ALOX12: variants seen among roughly 807,000 people sequenced by gnomAD.
ALOX12 encodes arachidonate 12-lipoxygenase, 12S type.
A neutral mutation model predicts 85.5 loss-of-function variants in ALOX12; 62 were observed. The ratio of observed to expected loss-of-function variants is 0.73; its 90% CI spans 0.59 to 0.90. ALOX12 has a LOEUF of 0.90. ALOX12 is among the 40% of genes least tolerant of loss of function. The probability of loss-of-function intolerance (pLI) is 0.00; values close to 1 mark genes in which losing one functional copy is unlikely to be tolerated. For synonymous variants in ALOX12, 299 were observed against 332.7 expected (o/e 0.90, Z 1.10); for missense variants, 751 against 856.5 (o/e 0.88, Z 1.54).
At chr17:6,998,858 C>T (rs764073855) in intron 4 of ALOX12, 21 bp downstream of exon 4, 19 of 1,614,016 alleles carry the variant, frequency 1.2e-5, no homozygotes, top group Non-Finnish European at 1.5e-5. Context: ...GGCTAGACCT[C>T]GGAGTGAAAT....
At chr17:7,007,077 C>T (rs1016189965) in intron 11 of ALOX12, among the ~76,000 whole-genome samples, 1 of 152,200 alleles carries the variant, frequency 6.6e-6, no homozygotes, top group Admixed American at 6.5e-5. Context: ...TCCAGGAATA[C>T]CGCACGCTTG....
At chr17:7,007,556 C>T (rs1244320220) in intron 11 of ALOX12, among the ~76,000 whole-genome samples, 2 of 152,206 alleles carry the variant, frequency 1.3e-5, no homozygotes, top group African/African-American at 4.8e-5. Flanking sequence ...CTTCTCAGTA[C>T]AGTCCCTTAG....
At chr17:7,007,166 C>A (rs1909128226) in intron 11 of ALOX12, among the ~76,000 whole-genome samples, 1 of 152,192 alleles carries the variant, frequency 6.6e-6, no homozygotes. Context: ...GCACCCTGAT[C>A]CTTGGGGCTC....
At position 7,005,256 on chromosome 17, in the gene ALOX12, G is replaced by T. The variant is rs959921309; in HGVS notation, c.1162-1G>T. ...ACGCCCTCCAATCTCCTCCTCTCCAGTTCCTGATCCCCCATATCCGCTACA... is the reference window on the plus strand; with the variant it reads ...ACGCCCTCCAATCTCCTCCTCTCCATTTCCTGATCCCCCATATCCGCTACA... On this transcript the variant is annotated splice_acceptor_variant, in intron 8 of 13. Coordinates refer to ENST00000251535, the MANE Select transcript of ALOX12 (RefSeq NM_000697.3). LOFTEE classifies it high-confidence loss of function. The T allele has an allele frequency of 2.8e-5, 45 of 1,613,116 alleles. No homozygotes were observed. The highest frequency in any genetic ancestry group is 3.5e-5 in the Non-Finnish European group (41 of 1,179,286).
At chr17:6,997,197 T>C in intron 2 of ALOX12, 170 bp downstream of exon 2, 2 of 910,594 alleles carry the variant, frequency 2.2e-6, no homozygotes, top group Non-Finnish European at 2.6e-6. Context: ...AGTTATGAAT[T>C]CCCAAAGTTT....
At position 7,010,687 on chromosome 17, in the gene ALOX12, A is replaced by G. The variant is rs1015728492; in HGVS notation, c.*264A>G. The G allele has an allele frequency of 2.6e-6, 1 of 379,546 alleles. No individual in the cohort carries two copies. Among genetic ancestry groups the G allele is most frequent in the Non-Finnish European group, 4.7e-6 (1 of 212,004 alleles). 23.5% of individuals were successfully genotyped at this position (379,546 alleles called of 1,614,324 possible). The stretch of plus-strand genomic sequence containing the variant: ...CTGCAGCATGAAGGCAGCCACAGAC[A>G]ACATGGAAATGAGTGTGACTATGTT... On this transcript the variant is annotated 3_prime_UTR_variant, in exon 14 of 14. Coordinates refer to ENST00000251535, the MANE Select transcript of ALOX12 (RefSeq NM_000697.3).
chr17:7,003,717 C>G (rs1377450820), intron 8 of ALOX12, among the ~76,000 whole-genome samples: 1 of 152,212 alleles, frequency 6.6e-6, no homozygotes, highest in African/African-American at 2.4e-5. Flanking sequence ...CACATGCCGC[C>G]ACACCCAGCT....
rs748900611 is a variant in ALOX12, at chr17:6,998,597, A to G, written c.419+7A>G. On this transcript the variant is annotated splice_region_variant and intron_variant, in intron 3 of 13. Transcript: ENST00000251535. ...ACAGACAGCAGATCTACTGGTGACC[A>G]CCCACCCCTTAAACTAACCCCGCCA... is the stretch of plus-strand genomic sequence containing the variant. 2 of 1,610,910 alleles carry G rather than the reference A, an allele frequency of 1.2e-6. No individual in the cohort carries two copies. Among genetic ancestry groups the G allele is most frequent in the Non-Finnish European group, 1.7e-6 (2 of 1,177,676 alleles).
rs1309298703 is a variant in ALOX12, at chr17:7,000,085, CTGGA to C, written c.808-249_808-246del. 6.6e-6 allele frequency among the ~76,000 whole-genome samples: 1 copy of C among 152,192 alleles called. No homozygotes were observed. The highest frequency in any genetic ancestry group is 1.5e-5 in the Non-Finnish European group (1 of 68,034). On this transcript the variant is annotated intron_variant, in intron 6 of 13. Coordinates refer to ENST00000251535, the MANE Select transcript of ALOX12 (RefSeq NM_000697.3). The surrounding 1 kb of genome is among the most constrained non-coding windows in gnomAD (Gnocchi z 4.6). ...CAGTTTACAATGCCTGTGATGCCAACTGGATTGAGCAGGCCTGGTTCCAAACCCA... is the reference window on the plus strand; with the variant it reads ...CAGTTTACAATGCCTGTGATGCCAACTTGAGCAGGCCTGGTTCCAAACCCA...
chr17:7,005,212 A>C (rs756885309), intron 8 of ALOX12, 45 bp from the exon 9 acceptor site: 6 of 1,558,032 alleles, frequency 3.9e-6, no homozygotes, highest in Non-Finnish European at 5.3e-6. Flanking sequence ...GAAGGACCCA[A>C]GCATGGCCTC....
At position 6,999,301 on chromosome 17, in the gene ALOX12, C is replaced by T; in HGVS notation, c.647-5C>T. On this transcript the variant is annotated splice_region_variant and splice_polypyrimidine_tract_variant and intron_variant, in intron 5 of 13. Transcript: ENST00000251535. ...CATATATCCTCCTTTCACCGCCCAC[C>T]AAAGAGAAGGTTCGCCAGTGCTGGC... The T allele has an allele frequency of 6.2e-7, 1 of 1,614,162 alleles. No individual in the cohort carries two copies. Among genetic ancestry groups the T allele is most frequent in the Non-Finnish European group, 8.5e-7 (1 of 1,180,020 alleles).
At chr17:7,002,887 T>A (rs1480320620) in intron 8 of ALOX12, among the ~76,000 whole-genome samples, 1 of 152,100 alleles carries the variant, frequency 6.6e-6, no homozygotes. Context: ...TACATGGAGT[T>A]TGATGTATTG....
rs922240937 is a variant in ALOX12 at position 7,000,538 on chromosome 17, C to A, written c.951+59C>A. On this transcript the variant is annotated intron_variant, in intron 7 of 13. Transcript: ENST00000251535. This position sits in a 1 kb window ranked among gnomAD's most constrained non-coding sequence, Gnocchi z 4.6. ...CTCTGTTCACCTCAACCTCTGCTCC[C>A]AGGGACCCAACCCCCAGCTCTTGGC... 2 of 1,585,076 alleles carry A rather than the reference C, an allele frequency of 1.3e-6. No homozygotes were observed. Among genetic ancestry groups the A allele is most frequent in the African/African-American group, 2.7e-5 (2 of 74,300 alleles).
chr17:6,996,122 G>A lies in ALOX12; in HGVS notation c.5G>A (p.Gly2Asp). Reference sequence around the variant, plus strand: ...CCTAAGCTGCTGGGGGGCGCCATGGGCCGCTACCGCATCCGCGTGGCCACC... The same window carrying A: ...CCTAAGCTGCTGGGGGGCGCCATGGACCGCTACCGCATCCGCGTGGCCACC... Reference protein sequence around the residue: MGRYRIRVATGA... With the variant: MDRYRIRVATGA... Residue 2 changes from glycine to aspartate, a missense_variant, in exon 1 of 14, where the codon GGC (glycine) becomes GAC (aspartate). Coordinates refer to ENST00000251535, the MANE Select transcript of ALOX12 (RefSeq NM_000697.3). The A allele has an allele frequency of 8.0e-7, 1 of 1,250,184 alleles. No homozygotes were observed. The highest frequency in any genetic ancestry group is 1.0e-6 in the Non-Finnish European group (1 of 990,574). 77.4% of individuals were successfully genotyped at this position (1,250,184 alleles called of 1,614,324 possible).
rs374304110 is a variant in ALOX12 at position 7,005,356 on chromosome 17, C to T, written c.1248+13C>T. On this transcript the variant is annotated intron_variant, in intron 9 of 13. Coordinates refer to ENST00000251535, the MANE Select transcript of ALOX12 (RefSeq NM_000697.3). ...AATTTTTGATAAGGTGAGGAGGGTA[C>T]GGGGCATGGGACTGCCTCATCCATC... 60 of 1,600,268 alleles carry T rather than the reference C, an allele frequency of 3.7e-5. No individual in the cohort carries two copies. The highest frequency in any genetic ancestry group is 1.2e-4 in the African/African-American group (9 of 74,566).
chr17:6,997,792 C>A (rs1908525062), intron 2 of ALOX12, among the ~76,000 whole-genome samples: 2 of 151,842 alleles, frequency 1.3e-5, no homozygotes, highest in African/African-American at 4.8e-5. Context: ...GATCTCCTGA[C>A]CTCGTGATCC....
chr17:7,006,419 A>T, intron 10 of ALOX12, 67 bp from the exon 11 acceptor site: 1 of 1,606,790 alleles, frequency 6.2e-7, no homozygotes, highest in Non-Finnish European at 8.5e-7. Context: ...GGCAGATGCC[A>T]CAGAAAGAGG....
chr17:6,996,851 C>T lies in ALOX12; in HGVS notation c.161C>T (p.Ala54Val), dbSNP rs1477355522. ...GEEEEFDHDVAEDLGLLQFVR... is the reference protein window; with the variant it reads ...GEEEEFDHDVVEDLGLLQFVR... ...GAGGAGGAGTTTGATCATGACGTTGCAGAGGACTTGGGGCTCCTGCAGTTC... is the reference window on the plus strand; with the variant it reads ...GAGGAGGAGTTTGATCATGACGTTGTAGAGGACTTGGGGCTCCTGCAGTTC... Residue 54 changes from alanine (A) to valine (V), a missense_variant, in exon 2 of 14, where the codon GCA becomes GTA. Coordinates refer to ENST00000251535, the MANE Select transcript of ALOX12 (RefSeq NM_000697.3). 1 of 1,613,782 alleles carries T rather than the reference C, an allele frequency of 6.2e-7. No homozygotes were observed. Among genetic ancestry groups the T allele is most frequent in the Non-Finnish European group, 8.5e-7 (1 of 1,179,714 alleles).
rs1328488063 is a variant in ALOX12, at chr17:7,000,416, G to A, written c.888G>A (p.Leu296=). ...TGATCCGAGGAGAGAAGCAATACCTGGCTGCCCCCCTCGTTATGCTGAAGA... is the reference window on the plus strand; with the variant it reads ...TGATCCGAGGAGAGAAGCAATACCTAGCTGCCCCCCTCGTTATGCTGAAGA... ...ANVIRGEKQY[L]AAPLVMLKME... The change falls in exon 7 of 14, where the codon CTG becomes CTA. Residue 296 remains leucine (L), a synonymous_variant. Transcript: ENST00000251535. This position sits in a 1 kb window ranked among gnomAD's most constrained non-coding sequence, Gnocchi z 4.6. The A allele has an allele frequency of 1.9e-6, 3 of 1,614,152 alleles. No individual in the cohort carries two copies. Among genetic ancestry groups the A allele is most frequent in the Non-Finnish European group, 2.5e-6 (3 of 1,180,024 alleles).
Sources: gnomAD v4.1 joint callset for allele counts (sites outside exome capture counted in the v4.1 genomes callset) on GRCh38, gnomAD v4.1.1 for gene constraint, Gnocchi (gnomAD v3.1) non-coding constraint, MANE v1.5 for transcripts, NCBI Gene and HGNC (gene_info 2026-07-23, HGNC 2026-07-21) for gene names.